ZNF385B: variants seen among roughly 807,000 people sequenced by gnomAD.
The protein encoded by ZNF385B is zinc finger protein 533.
In ZNF385B, 23 loss-of-function variants were observed where a neutral mutation model predicts 39.2. That is an observed-to-expected ratio of 0.59 (90% CI 0.42 to 0.83). The LOEUF is 0.83. Ranked by LOEUF, ZNF385B falls within the 40% of genes least tolerant of loss-of-function variation. The probability of loss-of-function intolerance (pLI) is 0.00; values close to 1 mark genes in which losing one functional copy is unlikely to be tolerated. For missense variants in ZNF385B, 552 were observed against 598.9 expected, an observed-to-expected ratio of 0.92 and a Z score of 0.82; for synonymous variants, 205 against 222.6, an observed-to-expected ratio of 0.92 and a Z score of 0.70.
At chr2:179,708,189 GA>G (rs1436077146) in intron 3 of ZNF385B, among the ~76,000 whole-genome samples, 7 of 152,208 alleles carry the variant, frequency 4.6e-5, no homozygotes, top group Admixed American at 2.6e-4. Context: ...CATGTCGAGG[GA>G]GGGACCTGGT....
At chr2:179,603,954 T>C (rs900531314) in intron 3 of ZNF385B, among the ~76,000 whole-genome samples, 6 of 152,184 alleles carry the variant, frequency 3.9e-5, no homozygotes, top group African/African-American at 1.4e-4. Flanking sequence ...AGACATTTAT[T>C]CAATACACAG....
chr2:179,530,191 T>A (rs778340393), intron 4 of ZNF385B, among the ~76,000 whole-genome samples: 56 of 152,090 alleles, frequency 3.7e-4, no homozygotes, highest in Admixed American at 6.5e-5. Context: ...TTGAAAACAA[T>A]CCCCAAAATT....
intron 3 of ZNF385B, among the ~76,000 whole-genome samples, chr2:179,751,442 A>C (rs992963209): frequency 6.6e-6 from 1 of 152,162 alleles, no homozygotes; most frequent in Non-Finnish European, 1.5e-5. Context: ...AGTTCTTCAA[A>C]AATTTCTGGG....
chr2:179,706,455 A>G (rs62175189), intron 3 of ZNF385B, among the ~76,000 whole-genome samples: 2,853 of 152,242 alleles, frequency 0.019, 35 homozygotes, highest in Non-Finnish European at 0.031. Context: ...TAGGGCATCA[A>G]AGAAAATCCT....
At chr2:179,648,277 C>A (rs1364170928) in intron 3 of ZNF385B, among the ~76,000 whole-genome samples, 3 of 151,858 alleles carry the variant, frequency 2.0e-5, no homozygotes, top group African/African-American at 7.3e-5. Flanking sequence ...GCAGTGGCAA[C>A]GAGAGATGGT....
chr2:179,789,515 G>A (rs1324450873), intron 1 of ZNF385B, among the ~76,000 whole-genome samples: 2 of 152,166 alleles, frequency 1.3e-5, no homozygotes, highest in Non-Finnish European at 2.9e-5. Context: ...TAGAGAAGAT[G>A]ACAGGCAAGA....
chr2:179,513,228 C>A (rs77576420), intron 5 of ZNF385B, among the ~76,000 whole-genome samples: 1 of 152,104 alleles, frequency 6.6e-6, no homozygotes, highest in Non-Finnish European at 1.5e-5. Flanking sequence ...AAATAATAAA[C>A]TCCCCCCCAA....
chr2:179,554,873 T>C (rs1054384211), intron 3 of ZNF385B, among the ~76,000 whole-genome samples: 12 of 149,332 alleles, frequency 8.0e-5, no homozygotes, highest in Non-Finnish European at 1.8e-4. Context: ...TCGACAAGGA[T>C]ACAGAGCAAC....
At chr2:179,624,336 T>C (rs1287339047) in intron 3 of ZNF385B, among the ~76,000 whole-genome samples, 1 of 152,202 alleles carries the variant, frequency 6.6e-6, no homozygotes, top group Admixed American at 6.5e-5. Context: ...TTTACTAGGA[T>C]GTTCTTTACT....
At chr2:179,729,815 T>C (rs1033489555) in intron 3 of ZNF385B, among the ~76,000 whole-genome samples, 4 of 151,990 alleles carry the variant, frequency 2.6e-5, no homozygotes, top group African/African-American at 9.7e-5. Context: ...TGAATTCTCA[T>C]GAGATCTGAT....
chr2:179,536,105 A>G (rs1320972906), intron 4 of ZNF385B, among the ~76,000 whole-genome samples: 1 of 152,084 alleles, frequency 6.6e-6, no homozygotes, highest in Non-Finnish European at 1.5e-5. Flanking sequence ...ACTTTTTTGT[A>G]TTTATTAGGC....
intron 3 of ZNF385B, among the ~76,000 whole-genome samples, chr2:179,643,159 G>T (rs1248901196): frequency 6.6e-6 from 1 of 151,794 alleles, no homozygotes; most frequent in African/African-American, 2.4e-5. Context: ...ACAACATTCG[G>T]ACTTTAAAGC....
intron 5 of ZNF385B, among the ~76,000 whole-genome samples, chr2:179,514,702 T>A (rs1187639890): frequency 1.3e-5 from 2 of 151,552 alleles, no homozygotes; most frequent in Non-Finnish European, 2.9e-5. Flanking sequence ...TGCAAAAAAA[T>A]TAAAGTGATT....
At chr2:179,466,346 G>A (rs1046533600) in intron 6 of ZNF385B, among the ~76,000 whole-genome samples, 1 of 151,644 alleles carries the variant, frequency 6.6e-6, no homozygotes, top group Non-Finnish European at 1.5e-5. Context: ...CTCTGATAAC[G>A]ATATAGCTAA....
At chr2:179,674,471 T>C (rs189525880) in intron 3 of ZNF385B, among the ~76,000 whole-genome samples, 3 of 152,316 alleles carry the variant, frequency 2.0e-5, no homozygotes, top group Admixed American at 6.5e-5. Flanking sequence ...AAATTTCACA[T>C]GGGAAACCTT....
chr2:179,583,228 A>C (rs1686737376), intron 3 of ZNF385B, among the ~76,000 whole-genome samples: 1 of 152,092 alleles, frequency 6.6e-6, no homozygotes, highest in African/African-American at 2.4e-5. Flanking sequence ...GTTGAGGCTA[A>C]AAAGGGCTGG....
chr2:179,737,792 C>T (rs1338715802), intron 3 of ZNF385B, among the ~76,000 whole-genome samples: 1 of 152,124 alleles, frequency 6.6e-6, no homozygotes, highest in African/African-American at 2.4e-5. Flanking sequence ...TCTTGTTTTA[C>T]AGATAAGGAA....
In ZNF385B at chr2:179,860,286, T is replaced by C. The variant is rs142575623; in HGVS notation, c.-155+815A>G. On this transcript the variant is annotated intron_variant, in intron 1 of 9. Coordinates refer to ENST00000410066, the MANE Select transcript of ZNF385B (RefSeq NM_152520.6). ...TTCATGGGCGTGGGGAGAGGGGGGA[T>C]ACTTCTTGGCAATTTATTTCCCCTG... Among the ~76,000 whole-genome samples, 569 of 152,210 alleles carry C rather than the reference T, an allele frequency of 3.7e-3. 2 individuals carry two copies. The highest frequency in any genetic ancestry group is 6.7e-3 in the Non-Finnish European group (456 of 68,014).
chr2:179,774,059 G>T (rs184315932), intron 1 of ZNF385B, among the ~76,000 whole-genome samples: 1 of 151,812 alleles, frequency 6.6e-6, no homozygotes, highest in Non-Finnish European at 1.5e-5. Context: ...TGTGGTTTGC[G>T]TGTGGGGTGT....
Sources: allele counts gnomAD v4.1 joint callset (sites outside exome capture counted in the v4.1 genomes callset), GRCh38; gene constraint gnomAD v4.1.1; transcripts MANE v1.5; gene names NCBI Gene and HGNC (gene_info 2026-07-23, HGNC 2026-07-21).